The following ELAC2 variants were observed in gnomAD, a reference collection of about 807,000 sequenced individuals.
ELAC2 encodes elaC ribonuclease Z 2, also known as zinc phosphodiesterase ELAC protein 2.
ELAC2 carries 92 observed loss-of-function variants against 105.2 expected under a neutral mutation model. The ratio of observed to expected loss-of-function variants is 0.87; its 90% CI spans 0.74 to 1.04. The LOEUF (loss-of-function observed/expected upper bound fraction) is 1.04, where lower values mean the gene tolerates loss of function less well. Ranked by LOEUF, ELAC2 falls within the 50% of genes least tolerant of loss-of-function variation. The pLI, the probability that ELAC2 is intolerant of heterozygous loss-of-function variation, is 0.00. For missense variants in ELAC2, 1,099 were observed against 1,071.7 expected, an observed-to-expected ratio of 1.03 and a Z score of -0.36; for synonymous variants, 468 against 409.1, an observed-to-expected ratio of 1.14 and a Z score of -1.74.
In ELAC2 at chr17:12,996,625, A is replaced by G; in HGVS notation, c.1581T>C (p.His527=). The change falls in exon 17 of 24, where the codon CAT becomes CAC. Residue 527 remains histidine (H), a synonymous_variant. Coordinates refer to ENST00000338034, the MANE Select transcript of ELAC2 (RefSeq NM_018127.7). ...GEGTFGQLCR[H]YGDQVDRVLG... is the part of the protein sequence containing the mutation. The stretch of plus-strand genomic sequence containing the variant: ...GGACCCTGTCCACCTGGTCTCCGTA[A>G]TGACGGCACAGCTGCCCAAATGTGC... The G allele has an allele frequency of 1.9e-6, 3 of 1,614,074 alleles. No individual in the cohort carries two copies. The highest frequency in any genetic ancestry group is 2.5e-6 in the Non-Finnish European group (3 of 1,180,024).
intron 14 of ELAC2, among the ~76,000 whole-genome samples, chr17:13,001,518 A>G (rs2040811132): frequency 6.7e-6 from 1 of 149,468 alleles, no homozygotes; most frequent in Non-Finnish European, 1.5e-5. Flanking sequence ...TAAATAAAAT[A>G]AATAAATTAA....
In ELAC2 at chr17:12,993,013, C is replaced by T; in HGVS notation, c.2286G>A (p.Lys762=). ...VCFGDFPTMP[K]LIPPLKALFA... is the part of the protein sequence containing the mutation. ...ACAGGGCTTTCAGTGGGGGAATCAGCTTGGGCATTGTTGGAAAGTCTCCAA... is the reference window on the plus strand; with the variant it reads ...ACAGGGCTTTCAGTGGGGGAATCAGTTTGGGCATTGTTGGAAAGTCTCCAA... The change falls in exon 24 of 24, where the codon AAG becomes AAA. Residue 762 remains lysine, a synonymous_variant. Coordinates refer to ENST00000338034, the MANE Select transcript of ELAC2 (RefSeq NM_018127.7). The T allele has an allele frequency of 6.2e-7, 1 of 1,607,742 alleles. No individual in the cohort carries two copies.
chr17:13,007,612 T>C (rs1394692939), intron 8 of ELAC2, among the ~76,000 whole-genome samples: 1 of 152,242 alleles, frequency 6.6e-6, no homozygotes, highest in African/African-American at 2.4e-5. Flanking sequence ...GGGCAGTGGC[T>C]CACGCCTGTA....
intron 3 of ELAC2, 26 bp downstream of exon 3, chr17:13,016,836 T>C: frequency 1.9e-6 from 3 of 1,600,330 alleles, no homozygotes; most frequent in African/African-American, 1.4e-5. Flanking sequence ...CCCACCAGCC[T>C]CTGACACTGC....
chr17:13,004,799 T>C (rs1755217847), intron 11 of ELAC2, among the ~76,000 whole-genome samples, 190 bp downstream of exon 11: 1 of 152,236 alleles, frequency 6.6e-6, no homozygotes, highest in African/African-American at 2.4e-5. Context: ...CTTTTCTAAT[T>C]TCACTTTGAG....
rs1555570639 is a variant in ELAC2 at position 12,992,092 on chromosome 17, A to T, written c.*726T>A. On this transcript the variant is annotated 3_prime_UTR_variant, in exon 24 of 24. Coordinates refer to ENST00000338034, the MANE Select transcript of ELAC2 (RefSeq NM_018127.7). ...CCAGAAGACTTGCATTTCCCTGACC[A>T]ATGACACCAGCCCAGCCAGGCTCTC... Among the ~76,000 whole-genome samples the T allele has an allele frequency of 6.6e-6, 1 of 152,106 alleles. No individual in the cohort carries two copies. Among genetic ancestry groups the T allele is most frequent in the South Asian group, 2.1e-4 (1 of 4,806 alleles).
intron 2 of ELAC2, 43 bp downstream of exon 2, chr17:13,017,028 C>G: frequency 1.9e-6 from 3 of 1,613,350 alleles, no homozygotes; most frequent in South Asian, 1.1e-5. Context: ...GGCTTTCAAG[C>G]CCCGTAATCA....
At chr17:13,015,477 T>G (rs1328947930) in intron 4 of ELAC2, among the ~76,000 whole-genome samples, 1 of 152,244 alleles carries the variant, frequency 6.6e-6, no homozygotes, top group Non-Finnish European at 1.5e-5. Context: ...ATATATCTAA[T>G]AAAGTGATTT....
At chr17:13,001,300 C>T (rs113899493) in intron 14 of ELAC2, among the ~76,000 whole-genome samples, 3,578 of 139,106 alleles carry the variant, frequency 0.026, 72 homozygotes, top group Middle Eastern at 0.064. Context: ...CGAGACCAGC[C>T]TGCCAACATG....
In ELAC2 at chr17:12,991,759, T is replaced by G. The variant is rs1335315833; in HGVS notation, c.*1059A>C. 4.7e-6 allele frequency: 1 copy of G among 213,110 alleles called. No individual in the cohort carries two copies. The highest frequency in any genetic ancestry group is 9.5e-6 in the Non-Finnish European group (1 of 105,180). The allele number at this position is 213,110 out of a possible 1,614,324, so 13.2% of individuals were successfully genotyped here. On this transcript the variant is annotated 3_prime_UTR_variant, in exon 24 of 24. Coordinates refer to ENST00000338034, the MANE Select transcript of ELAC2 (RefSeq NM_018127.7). ...TGTGTAAAGCCAGGTCCCTGGCTGA[T>G]CTCTCGCTTGCTTGTCTTTTGAGTT... is the stretch of plus-strand genomic sequence containing the variant.
At chr17:12,993,870 A>C (rs1481075059) in intron 22 of ELAC2, 39 bp from the exon 23 acceptor site, 2 of 1,613,624 alleles carry the variant, frequency 1.2e-6, no homozygotes, top group Non-Finnish European at 1.7e-6. Flanking sequence ...GCTGAACTCA[A>C]CTGCAAGACT....
At chr17:13,006,382 A>T (rs1179882566) in intron 8 of ELAC2, 1 of 231,198 alleles carries the variant, frequency 4.3e-6, no homozygotes, top group Non-Finnish European at 8.6e-6. Context: ...AAAAAAAAAT[A>T]AAAAATAAAA....
rs552703145 is a variant in ELAC2 at position 12,995,779 on chromosome 17, C to A, written c.1732G>T (p.Val578Leu). ...SLGKPLHPLLVVAPNQLKAWL... is the reference protein window; with the variant it reads ...SLGKPLHPLLLVAPNQLKAWL... ...GCTTTGAGCTGGTTGGGGGCAACCA[C>A]CAGCAAAGGGTGAAGCGGCTTTCCC... Residue 578 changes from valine (V) to leucine (L), a missense_variant, in exon 19 of 24, where the codon GTG (valine) becomes TTG (leucine). Transcript: ENST00000338034. 9.3e-6 allele frequency: 15 copies of A among 1,612,832 alleles called. No individual in the cohort carries two copies. The Middle Eastern group carries it at 1.2e-3, about 124-fold the overall frequency.
chr17:13,015,416 T>C (rs1005575432), intron 4 of ELAC2, among the ~76,000 whole-genome samples: 3 of 152,202 alleles, frequency 2.0e-5, no homozygotes, highest in Admixed American at 1.3e-4. Context: ...CAGAAATTTA[T>C]TGAATAAAAA....
intron 11 of ELAC2, among the ~76,000 whole-genome samples, chr17:13,004,324 G>A (rs2040988771): frequency 6.6e-6 from 1 of 152,020 alleles, no homozygotes; most frequent in Non-Finnish European, 1.5e-5. Context: ...GGGTACAGCA[G>A]CCCAAAAGGA....
intron 17 of ELAC2, chr17:12,996,210 G>A (rs916180490): frequency 9.4e-6 from 6 of 641,408 alleles, no homozygotes; most frequent in East Asian, 2.7e-5. Flanking sequence ...CCCAGGGCCC[G>A]GCACCCCAGG....
chr17:13,010,570 C>G (rs367949716), intron 8 of ELAC2, 43 bp downstream of exon 8: 2 of 1,595,498 alleles, frequency 1.3e-6, no homozygotes, highest in Non-Finnish European at 1.7e-6. Context: ...GGTCGCTGAC[C>G]AAGACCCCAG....
intron 12 of ELAC2, among the ~76,000 whole-genome samples, chr17:13,003,118 G>A (rs1363629891): frequency 1.3e-5 from 2 of 152,184 alleles, no homozygotes; most frequent in Non-Finnish European, 2.9e-5. Context: ...TTCACACACT[G>A]CCTCCCACAA....
At position 13,017,976 on chromosome 17, in the gene ELAC2, C is replaced by A; in HGVS notation, c.-29G>T. 1.3e-6 allele frequency: 2 copies of A among 1,534,474 alleles called. No homozygotes were observed. The highest frequency in any genetic ancestry group is 1.2e-5 in the South Asian group (1 of 83,866). On this transcript the variant is annotated 5_prime_UTR_variant, in exon 1 of 24. Transcript: ENST00000338034. ...CCCGTCTCCACCAAAACTGAGAAAG[C>A]CGCCGGTCACCTACGCCCGCGTTTC...
Sources: allele counts gnomAD v4.1 joint callset (sites outside exome capture counted in the v4.1 genomes callset), GRCh38; gene constraint gnomAD v4.1.1; transcripts MANE v1.5; gene names NCBI Gene and HGNC (gene_info 2026-07-23, HGNC 2026-07-21).